RAB10: variants seen among roughly 807,000 people sequenced by gnomAD.
RAB10 encodes the protein ras-related protein Rab-10.
RAB10 carries 5 observed loss-of-function variants against 25.7 expected under a neutral mutation model. The observed-to-expected ratio is 0.19, with a 90% CI of 0.10 to 0.41. RAB10 has a LOEUF of 0.41. Among genes scored for constraint, RAB10 ranks in the 10% least tolerant of loss-of-function variants. The pLI is 1.00. For missense variants in RAB10, 103 were observed against 245.8 expected (o/e 0.42, Z 3.89); for synonymous variants, 89 against 86.4 (o/e 1.03, Z -0.16).
intron 1 of RAB10, among the ~76,000 whole-genome samples, chr2:26,071,645 A>C (rs1666628593): frequency 1.3e-5 from 2 of 151,660 alleles, no homozygotes; most frequent in South Asian, 4.2e-4. Flanking sequence ...CCAAGATGGC[A>C]CCACTGCAAC....
intron 1 of RAB10, among the ~76,000 whole-genome samples, chr2:26,094,853 C>T (rs1042702295): frequency 1.3e-5 from 2 of 152,222 alleles, no homozygotes; most frequent in Admixed American, 6.6e-5. Context: ...GCCACTGTGC[C>T]CGGCCCCACT....
chr2:26,038,487 C>T (rs1387128060), intron 1 of RAB10, among the ~76,000 whole-genome samples: 9 of 152,002 alleles, frequency 5.9e-5, no homozygotes, highest in African/African-American at 2.4e-5. Flanking sequence ...TGAGCCACTG[C>T]GCCCAGCCTA....
At chr2:26,059,158 T>G (rs1666333698) in intron 1 of RAB10, among the ~76,000 whole-genome samples, 1 of 152,230 alleles carries the variant, frequency 6.6e-6, no homozygotes, top group Non-Finnish European at 1.5e-5. Context: ...GTGTGAAGTA[T>G]TACACTAATT....
chr2:26,103,608 ACATAC>A (rs1462541856), intron 2 of RAB10, among the ~76,000 whole-genome samples: 1 of 152,186 alleles, frequency 6.6e-6, no homozygotes, highest in Non-Finnish European at 1.5e-5. Flanking sequence ...TACATAATTC[ACATAC>A]CATACAATAT....
chr2:26,075,272 G>A (rs1666708916), intron 1 of RAB10, among the ~76,000 whole-genome samples: 2 of 151,914 alleles, frequency 1.3e-5, no homozygotes, highest in Non-Finnish European at 2.9e-5. Context: ...GCAAATCATT[G>A]TACCCTAAAT....
chr2:26,068,452 A>T (rs554522927), intron 1 of RAB10, among the ~76,000 whole-genome samples: 5 of 152,288 alleles, frequency 3.3e-5, no homozygotes, highest in African/African-American at 1.2e-4. Context: ...CTTATCAAAG[A>T]TGTGTTTAAA....
At chr2:26,062,467 C>A (rs1213670641) in intron 1 of RAB10, among the ~76,000 whole-genome samples, 1 of 151,994 alleles carries the variant, frequency 6.6e-6, no homozygotes, top group African/African-American at 2.4e-5. Flanking sequence ...CATTTGAGGC[C>A]AGGAGTTTGA....
At chr2:26,124,991 T>C (rs1427134213) in intron 3 of RAB10, among the ~76,000 whole-genome samples, 4 of 152,254 alleles carry the variant, frequency 2.6e-5, no homozygotes, top group African/African-American at 9.6e-5. Flanking sequence ...TGCCATGTTC[T>C]GTTTATTCAT....
intron 1 of RAB10, among the ~76,000 whole-genome samples, chr2:26,094,790 T>C (rs1223147617): frequency 6.6e-6 from 1 of 151,680 alleles, no homozygotes; most frequent in Non-Finnish European, 1.5e-5. Context: ...AACTCTTGAC[T>C]TAAAGTGATA....
Position 26,070,632 on chromosome 2 carries a change from A to G in RAB10, c.128-28030A>G, listed in dbSNP as rs536040449. On this transcript the variant is annotated intron_variant, in intron 1 of 5. Transcript: ENST00000264710. ...ACCTGCCCTTGATAATATGACAAATATATCAGAGCCAAATCTTAAACATAG... is the reference window on the plus strand; with the variant it reads ...ACCTGCCCTTGATAATATGACAAATGTATCAGAGCCAAATCTTAAACATAG... 2.0e-4 allele frequency among the ~76,000 whole-genome samples: 30 copies of G among 152,324 alleles called. No individual in the cohort carries two copies. In the South Asian group the frequency reaches 5.6e-3, roughly 28 times the overall value.
intron 1 of RAB10, among the ~76,000 whole-genome samples, chr2:26,084,003 A>G (rs1262196234): frequency 2.0e-5 from 3 of 152,220 alleles, no homozygotes; most frequent in African/African-American, 7.2e-5. Context: ...AAATAAAGAG[A>G]GCTATACCGT....
chr2:26,045,370 G>T (rs1364163627), intron 1 of RAB10, among the ~76,000 whole-genome samples: 2 of 151,964 alleles, frequency 1.3e-5, no homozygotes, highest in Non-Finnish European at 2.9e-5. Context: ...CTCCTGAGTA[G>T]CTGGGACTAC....
At chr2:26,064,142 G>A (rs1666465078) in intron 1 of RAB10, among the ~76,000 whole-genome samples, 1 of 152,062 alleles carries the variant, frequency 6.6e-6, no homozygotes, top group Non-Finnish European at 1.5e-5. Flanking sequence ...GAGCTTTTTG[G>A]TAGGATATAG....
rs1421173368 is a variant in RAB10, at chr2:26,103,364, A to G, written c.188+4642A>G. ...AACAGATCTTGCAGAAGCTCTTAGT[A>G]GGAACAAACTTACGAATTTAAAAAT... On this transcript the variant is annotated intron_variant, in intron 2 of 5. Coordinates refer to ENST00000264710, the MANE Select transcript of RAB10 (RefSeq NM_016131.5). Among the ~76,000 whole-genome samples the G allele has an allele frequency of 5.9e-5, 9 of 152,346 alleles. No homozygotes were observed. In the East Asian group the frequency reaches 1.5e-3, roughly 26 times the overall value.
At chr2:26,106,703 T>C (rs1419662576) in intron 2 of RAB10, among the ~76,000 whole-genome samples, 1 of 151,370 alleles carries the variant, frequency 6.6e-6, no homozygotes, top group Non-Finnish European at 1.5e-5. Flanking sequence ...CTGGCCAACA[T>C]GGCAAAACCC....
intron 1 of RAB10, among the ~76,000 whole-genome samples, chr2:26,071,253 C>T (rs1050017680): frequency 2.0e-5 from 3 of 152,116 alleles, no homozygotes; most frequent in Non-Finnish European, 2.9e-5. Context: ...TTGGATTGGC[C>T]ACCATTTTTA....
intron 3 of RAB10, among the ~76,000 whole-genome samples, chr2:26,118,594 A>G (rs990432324): frequency 6.6e-6 from 1 of 152,188 alleles, no homozygotes; most frequent in Non-Finnish European, 1.5e-5. Flanking sequence ...TGTTGTTTCT[A>G]TTTAATGATA....
chr2:26,093,934 T>G (rs548607198), intron 1 of RAB10, among the ~76,000 whole-genome samples: 1 of 152,322 alleles, frequency 6.6e-6, no homozygotes, highest in African/African-American at 2.4e-5. Flanking sequence ...TTAACTGTGT[T>G]GCTCAGGCTG....
chr2:26,046,541 A>G (rs1666007022), intron 1 of RAB10, among the ~76,000 whole-genome samples: 1 of 152,250 alleles, frequency 6.6e-6, no homozygotes, highest in Non-Finnish European at 1.5e-5. Flanking sequence ...GCAACTATTA[A>G]TGGAATGCTA....
Sources: allele counts gnomAD v4.1 joint callset (sites outside exome capture counted in the v4.1 genomes callset), GRCh38; gene constraint gnomAD v4.1.1; transcripts MANE v1.5; gene names NCBI Gene and HGNC (gene_info 2026-07-23, HGNC 2026-07-21).